The following DPYD variants were observed in gnomAD, a reference collection of about 807,000 sequenced individuals.
The protein encoded by DPYD is dihydropyrimidine dehydrogenase [NADP(+)].
In DPYD, 109 loss-of-function variants were observed where a neutral mutation model predicts 116.2. The observed-to-expected ratio is 0.94, with a 90% CI of 0.80 to 1.10. The LOEUF is 1.10. Among genes scored for constraint, DPYD ranks in the 50% least tolerant of loss-of-function variants. DPYD has a pLI of 0.00. For missense variants in DPYD, 1,302 were observed against 1,254.5 expected, an observed-to-expected ratio of 1.04 and a Z score of -0.57; for synonymous variants, 440 against 432.0, an observed-to-expected ratio of 1.02 and a Z score of -0.23.
intron 3 of DPYD, among the ~76,000 whole-genome samples, chr1:97,751,979 G>A (rs923444333): frequency 3.3e-5 from 5 of 151,918 alleles, no homozygotes; most frequent in East Asian, 1.9e-4. Flanking sequence ...GGCTGGTGTC[G>A]AACTCCTCAC....
chr1:97,571,955 C>A (rs546275773), intron 11 of DPYD, among the ~76,000 whole-genome samples: 1 of 151,914 alleles, frequency 6.6e-6, no homozygotes, highest in East Asian at 1.9e-4. Context: ...CTATCTCACA[C>A]TGCAGCTCTG....
chr1:97,251,410 AAAAG>A (rs1557973138), intron 18 of DPYD, among the ~76,000 whole-genome samples: 25 of 148,596 alleles, frequency 1.7e-4, no homozygotes, highest in African/African-American at 6.1e-4. Context: ...AAAAAAAAAA[AAAAG>A]AAAGAAAAAA....
chr1:97,193,173 G>C lies in DPYD; in HGVS notation c.2518C>G (p.Leu840Val). The change falls in exon 20 of 23, where the codon CTG becomes GTG. Residue 840 changes from leucine (L) to valine (V), a missense_variant. Physicochemically the swap from Leu to Val is conservative, Grantham distance 32. Coordinates refer to ENST00000370192, the MANE Select transcript of DPYD (RefSeq NM_000110.4). ...TCTTGTAGTTCTTCAATGCTTTTCA[G>C]ATAAAGCAGGGCTTTGAGGCCAGTG... Reference protein sequence around the residue: ...YCTGLKALLYLKSIEELQDWD... With the variant: ...YCTGLKALLYVKSIEELQDWD... 1 of 1,613,942 alleles carries C rather than the reference G, an allele frequency of 6.2e-7. No homozygotes were observed. The highest frequency in any genetic ancestry group is 8.5e-7 in the Non-Finnish European group (1 of 1,179,880).
Position 97,896,501 on chromosome 1 carries a change from T to C in DPYD, c.40-13127A>G, listed in dbSNP as rs537896884. On this transcript the variant is annotated intron_variant, in intron 1 of 22. Coordinates refer to ENST00000370192, the MANE Select transcript of DPYD (RefSeq NM_000110.4). ...CCGTCTCATATTTAAGTGACTTTATTTTTTTCTTCATAGGTAAAGTATTAC... is the reference window on the plus strand; with the variant it reads ...CCGTCTCATATTTAAGTGACTTTATCTTTTTCTTCATAGGTAAAGTATTAC... 1.4e-4 allele frequency among the ~76,000 whole-genome samples: 22 copies of C among 151,932 alleles called. No homozygotes were observed. The South Asian group carries it at 4.2e-3, about 29-fold the overall frequency.
Position 97,206,715 on chromosome 1 carries a change from C to T in DPYD, c.2443-13467G>A, listed in dbSNP as rs189644145. ...TCTATATGCTTATAATGCATATGTG[C>T]GTATACATGTTTATATGTTTATGTT... On this transcript the variant is annotated intron_variant, in intron 19 of 22. Coordinates refer to ENST00000370192, the MANE Select transcript of DPYD (RefSeq NM_000110.4). 4.6e-4 allele frequency among the ~76,000 whole-genome samples: 47 copies of T among 103,140 alleles called. No homozygotes were observed. In the East Asian group the frequency reaches 6.7e-3, roughly 15 times the overall value. 67.7% of individuals were successfully genotyped at this position (103,140 alleles called of 152,430 possible).
At chr1:97,585,819 A>G (rs1654052652) in intron 10 of DPYD, 1 of 152,322 alleles carries the variant, frequency 6.6e-6, no homozygotes, top group South Asian at 2.1e-4. Context: ...AGTAGAGCAT[A>G]CAGATCTCTT....
At chr1:97,645,417 A>G (rs1007540352) in intron 8 of DPYD, among the ~76,000 whole-genome samples, 3 of 152,098 alleles carry the variant, frequency 2.0e-5, no homozygotes, top group Non-Finnish European at 4.4e-5. Context: ...TTTGTGAAAT[A>G]TATTATTTTA....
chr1:97,562,106 T>C (rs1652193309), intron 11 of DPYD, among the ~76,000 whole-genome samples: 1 of 152,150 alleles, frequency 6.6e-6, no homozygotes, highest in Non-Finnish European at 1.5e-5. Context: ...ACAAAACACA[T>C]ATAATAAATA....
intron 11 of DPYD, among the ~76,000 whole-genome samples, chr1:97,560,334 A>G (rs1235038495): frequency 1.3e-5 from 2 of 152,170 alleles, no homozygotes; most frequent in African/African-American, 4.8e-5. Flanking sequence ...AATACAAAAG[A>G]AATATAATGT....
At chr1:97,740,957 C>T (rs1361258427) in intron 3 of DPYD, among the ~76,000 whole-genome samples, 1 of 152,194 alleles carries the variant, frequency 6.6e-6, no homozygotes, top group Non-Finnish European at 1.5e-5. Context: ...CTACCTCTCT[C>T]TCTCTTTCCA....
intron 2 of DPYD, among the ~76,000 whole-genome samples, chr1:97,844,293 G>GT (rs1558003769): frequency 1.3e-5 from 2 of 152,108 alleles, no homozygotes; most frequent in African/African-American, 4.8e-5. Context: ...CTCAGAAGTC[G>GT]TAAGTGTCTT....
At chr1:97,763,753 G>T (rs899117405) in intron 3 of DPYD, among the ~76,000 whole-genome samples, 28 of 151,692 alleles carry the variant, frequency 1.8e-4, no homozygotes, top group South Asian at 4.2e-4. Flanking sequence ...GATTATTTTT[G>T]ATTTATGTTA....
intron 1 of DPYD, among the ~76,000 whole-genome samples, chr1:97,884,688 A>G (rs1421999251): frequency 6.6e-6 from 1 of 152,038 alleles, no homozygotes; most frequent in Admixed American, 6.6e-5. Flanking sequence ...TCACTGAAAC[A>G]TCTCTACCAC....
At chr1:97,331,735 C>T (rs1023473477) in intron 16 of DPYD, among the ~76,000 whole-genome samples, 3 of 152,166 alleles carry the variant, frequency 2.0e-5, no homozygotes, top group Admixed American at 6.5e-5. Flanking sequence ...TATGATGATG[C>T]CATTTGTGTA....
chr1:97,309,798 T>A (rs1271270887), intron 16 of DPYD, among the ~76,000 whole-genome samples: 1 of 151,818 alleles, frequency 6.6e-6, no homozygotes, highest in Non-Finnish European at 1.5e-5. Flanking sequence ...TGGTTGTTTT[T>A]AAAGCTTAAT....
rs765309287 is a variant in DPYD, at chr1:97,699,438, G to T, written c.593C>A (p.Ala198Glu). The change falls in exon 6 of 23, where the codon GCA becomes GAA. Residue 198 changes from alanine to glutamate, a missense_variant. Ala to Glu is a moderately radical substitution (Grantham distance 107). Coordinates refer to ENST00000370192, the MANE Select transcript of DPYD (RefSeq NM_000110.4). ...CAAAAAGGAAGCACAACTTATACTTGCAGGCCCAGCACCAAAAAGAGCAAT... is the reference window on the plus strand; with the variant it reads ...CAAAAAGGAAGCACAACTTATACTTTCAGGCCCAGCACCAAAAAGAGCAAT... The part of the protein sequence containing the change: ...AKIALFGAGP[A>E]SISCASFLAR... 6.2e-7 allele frequency: 1 copy of T among 1,613,682 alleles called. No homozygotes were observed. Among genetic ancestry groups the T allele is most frequent in the South Asian group, 1.1e-5 (1 of 91,074 alleles).
chr1:97,338,777 T>A (rs1484667395), intron 16 of DPYD, among the ~76,000 whole-genome samples: 1 of 152,092 alleles, frequency 6.6e-6, no homozygotes, highest in East Asian at 1.9e-4. Context: ...AACCTCCAGT[T>A]TACCAGTGCT....
At chr1:97,153,276 G>T (rs1439982705) in intron 20 of DPYD, among the ~76,000 whole-genome samples, 1 of 152,100 alleles carries the variant, frequency 6.6e-6, no homozygotes, top group Non-Finnish European at 1.5e-5. Flanking sequence ...GAGAATAACA[G>T]CTGCATCCAC....
Position 97,751,446 on chromosome 1 carries a change from GTGTGTGTGTGTGTGTATATATATATA to G in DPYD, c.234-10993_234-10968del, listed in dbSNP as rs748658609. 6.3e-4 allele frequency among the ~76,000 whole-genome samples: 27 copies of G among 42,964 alleles called. 1 individual carries two copies. The highest frequency in any genetic ancestry group is 2.4e-3 in the South Asian group (2 of 840). 28.2% of individuals were successfully genotyped at this position (42,964 alleles called of 152,430 possible). A position where few individuals can be genotyped will look rare whatever the true frequency, so the allele number is the denominator to read the frequency against. ...TATGTATACGTGTGTGTGTGTGTGT[GTGTGTGTGTGTGTGTATATATATATA>G]TATATATATATATATATATATATGG... is the stretch of plus-strand genomic sequence containing the variant. On this transcript the variant is annotated intron_variant, in intron 3 of 22. Coordinates refer to ENST00000370192, the MANE Select transcript of DPYD (RefSeq NM_000110.4).
Sources: allele counts gnomAD v4.1 joint callset (sites outside exome capture counted in the v4.1 genomes callset), GRCh38; gene constraint gnomAD v4.1.1; transcripts MANE v1.5; gene names NCBI Gene and HGNC (gene_info 2026-07-23, HGNC 2026-07-21).